The following FRMD4A variants were observed in gnomAD, a reference collection of about 807,000 sequenced individuals.
The protein encoded by FRMD4A is FERM domain-containing protein 4A.
A neutral mutation model predicts 129.1 loss-of-function variants in FRMD4A; 29 were observed. That is an observed-to-expected ratio of 0.22 (90% CI 0.17 to 0.31). The LOEUF is 0.31. Ranked by LOEUF, FRMD4A falls within the 10% of genes least tolerant of loss-of-function variation. The probability of loss-of-function intolerance (pLI) is 1.00; values close to 1 mark genes in which losing one functional copy is unlikely to be tolerated. For synonymous variants in FRMD4A, 634 were observed against 571.6 expected (o/e 1.11, Z -1.56); for missense variants, 1,272 against 1,375.8 (o/e 0.92, Z 1.19).
At chr10:13,810,153 A>G (rs1005238767) in intron 4 of FRMD4A, among the ~76,000 whole-genome samples, 1 of 152,126 alleles carries the variant, frequency 6.6e-6, no homozygotes, top group South Asian at 2.1e-4. Context: ...ATTATGAACT[A>G]TTTTCTTAGA....
chr10:14,272,491 C>T (rs576015628), intron 2 of FRMD4A, among the ~76,000 whole-genome samples: 26 of 152,266 alleles, frequency 1.7e-4, no homozygotes, highest in African/African-American at 4.3e-4. Context: ...GTAGCCAAAC[C>T]GACCAAGACA....
intron 2 of FRMD4A, among the ~76,000 whole-genome samples, chr10:14,188,394 T>A (rs1457022235): frequency 6.6e-6 from 1 of 152,232 alleles, no homozygotes; most frequent in African/African-American, 2.4e-5. Flanking sequence ...CTTCTCATTA[T>A]ACAAGCTCTT....
intron 6 of FRMD4A, among the ~76,000 whole-genome samples, chr10:13,781,466 C>A (rs1159547389): frequency 1.4e-5 from 2 of 146,166 alleles, no homozygotes; most frequent in East Asian, 4.1e-4. Context: ...TAACCTCCAC[C>A]TCCCAGGTTC....
intron 2 of FRMD4A, among the ~76,000 whole-genome samples, chr10:14,298,822 G>A (rs1012213380): frequency 6.6e-6 from 1 of 152,162 alleles, no homozygotes; most frequent in African/African-American, 2.4e-5. Context: ...CAATGAGTAG[G>A]GGAGGAGGAC....
intron 2 of FRMD4A, among the ~76,000 whole-genome samples, chr10:13,977,430 C>A (rs994882928): frequency 6.6e-6 from 1 of 152,194 alleles, no homozygotes; most frequent in African/African-American, 2.4e-5. Context: ...GTGTTGGAAG[C>A]TTTGTTCTTT....
intron 2 of FRMD4A, among the ~76,000 whole-genome samples, chr10:13,865,574 C>T (rs1019425295): frequency 2.6e-5 from 4 of 151,836 alleles, no homozygotes; most frequent in Admixed American, 2.0e-4. Context: ...CCTCAGCCTC[C>T]TGAGTATCTG....
intron 2 of FRMD4A, among the ~76,000 whole-genome samples, chr10:13,873,226 C>G (rs1445698538): frequency 6.8e-6 from 1 of 146,776 alleles, no homozygotes; most frequent in Admixed American, 6.8e-5. Context: ...AGATGGAGAC[C>G]CCAGACAGAC....
intron 2 of FRMD4A, among the ~76,000 whole-genome samples, chr10:14,311,900 G>A (rs1296139641): frequency 6.6e-6 from 1 of 152,026 alleles, no homozygotes; most frequent in Non-Finnish European, 1.5e-5. Flanking sequence ...TTTCAACCCA[G>A]AGCATAAGGT....
rs557192093 is a variant in FRMD4A, at chr10:14,204,131, G to C, written c.45+125927C>G. Reference sequence around the variant, plus strand: ...GAAGAAAGGAGAGACTCACTTAGAGGTATCACTATAGGCTGGGTGTGGTGG... The same window carrying C: ...GAAGAAAGGAGAGACTCACTTAGAGCTATCACTATAGGCTGGGTGTGGTGG... On this transcript the variant is annotated intron_variant, in intron 2 of 24. Transcript: ENST00000357447. Among the ~76,000 whole-genome samples the C allele has an allele frequency of 1.4e-4, 22 of 152,194 alleles. No individual in the cohort carries two copies. In the South Asian group the frequency reaches 4.6e-3, roughly 32 times the overall value.
At chr10:14,005,274 G>A (rs114875309) in intron 2 of FRMD4A, among the ~76,000 whole-genome samples, 63 of 152,132 alleles carry the variant, frequency 4.1e-4, no homozygotes, top group African/African-American at 1.2e-3. Context: ...CGACCAGCTC[G>A]GTCTCCCAAA....
At chr10:14,018,121 G>A (rs1444008117) in intron 2 of FRMD4A, among the ~76,000 whole-genome samples, 1 of 152,038 alleles carries the variant, frequency 6.6e-6, no homozygotes, top group Non-Finnish European at 1.5e-5. Flanking sequence ...AGATAGCACA[G>A]TTCTGTCTGT....
At chr10:14,273,087 C>CACAT (rs1554799165) in intron 2 of FRMD4A, among the ~76,000 whole-genome samples, 1 of 151,016 alleles carries the variant, frequency 6.6e-6, no homozygotes, top group African/African-American at 2.4e-5. Context: ...CACACACACA[C>CACAT]ACATGCACAC....
intron 15 of FRMD4A, among the ~76,000 whole-genome samples, chr10:13,686,379 A>T (rs1400611355): frequency 6.6e-6 from 1 of 152,236 alleles, no homozygotes; most frequent in Non-Finnish European, 1.5e-5. Context: ...GACAGAGCCT[A>T]TCAGCTCCCC....
At chr10:13,668,223 A>T (rs1272274098) in intron 17 of FRMD4A, 1 of 152,282 alleles carries the variant, frequency 6.6e-6, no homozygotes, top group African/African-American at 2.4e-5. Context: ...GTTGTCTCAG[A>T]GGGAGAAGAA....
At chr10:13,952,010 A>G (rs997880381) in intron 2 of FRMD4A, among the ~76,000 whole-genome samples, 1 of 150,418 alleles carries the variant, frequency 6.6e-6, no homozygotes, top group Non-Finnish European at 1.5e-5. Flanking sequence ...AGTTCTTAAG[A>G]AGTTCTTTAA....
At chr10:13,689,216 G>GTGGGGGGT (rs1258844891) in intron 15 of FRMD4A, among the ~76,000 whole-genome samples, 6 of 75,386 alleles carry the variant, frequency 8.0e-5, no homozygotes, top group Admixed American at 1.6e-4. Flanking sequence ...GGGGGGGGGG[G>GTGGGGGGT]GGGGAGGGCT....
chr10:13,767,737 T>C (rs73593003), intron 6 of FRMD4A, among the ~76,000 whole-genome samples: 2 of 152,182 alleles, frequency 1.3e-5, no homozygotes, highest in African/African-American at 4.8e-5. Flanking sequence ...ATCTGCCTTA[T>C]GCAGGGGCTG....
intron 2 of FRMD4A, among the ~76,000 whole-genome samples, chr10:13,993,609 A>G (rs530811666): frequency 6.6e-6 from 1 of 152,306 alleles, no homozygotes; most frequent in East Asian, 1.9e-4. Context: ...CCATCAATGG[A>G]GAATATCTTC....
At chr10:14,293,885 T>C (rs1209920722) in intron 2 of FRMD4A, among the ~76,000 whole-genome samples, 26 of 152,218 alleles carry the variant, frequency 1.7e-4, no homozygotes, top group Non-Finnish European at 1.5e-5. Flanking sequence ...AGATTCACAA[T>C]TGCACATTAT....
Sources: gnomAD v4.1 joint callset for allele counts (sites outside exome capture counted in the v4.1 genomes callset) on GRCh38, gnomAD v4.1.1 for gene constraint, MANE v1.5 for transcripts, NCBI Gene and HGNC (gene_info 2026-07-23, HGNC 2026-07-21) for gene names.